KCNIP4: variants seen among roughly 807,000 people sequenced by gnomAD.
KCNIP4 encodes the protein Kv channel-interacting protein 4.
In KCNIP4, 12 loss-of-function variants were observed where a neutral mutation model predicts 34.0. That is an observed-to-expected ratio of 0.35 (90% CI 0.23 to 0.57). KCNIP4 has a LOEUF of 0.57. Among genes scored for constraint, KCNIP4 ranks in the 20% least tolerant of loss-of-function variants. The probability of loss-of-function intolerance (pLI) is 0.83; values close to 1 mark genes in which losing one functional copy is unlikely to be tolerated. For synonymous variants in KCNIP4, 124 were observed against 102.2 expected (o/e 1.21, Z -1.29); for missense variants, 238 against 311.7 (o/e 0.76, Z 1.78).
At chr4:21,511,835 T>C (rs1331457602) in intron 1 of KCNIP4, among the ~76,000 whole-genome samples, 1 of 152,212 alleles carries the variant, frequency 6.6e-6, no homozygotes, top group African/African-American at 2.4e-5. Flanking sequence ...TTTTTATATA[T>C]ACCTTTCTTT....
At chr4:21,686,470 AT>A (rs1370168274) in intron 1 of KCNIP4, among the ~76,000 whole-genome samples, 7 of 152,154 alleles carry the variant, frequency 4.6e-5, no homozygotes, top group Non-Finnish European at 8.8e-5. Context: ...ATAACTATGT[AT>A]TTTTTATTTT....
At chr4:21,767,381 C>T (rs73102032) in intron 1 of KCNIP4, among the ~76,000 whole-genome samples, 22,454 of 151,664 alleles carry the variant, frequency 0.15, 5,602 homozygotes, top group African/African-American at 0.51. Context: ...TCTGTGGAAA[C>T]TTGACTCAGG....
intron 1 of KCNIP4, among the ~76,000 whole-genome samples, chr4:21,293,083 T>TA (rs1358195807): frequency 3.3e-5 from 5 of 152,158 alleles, no homozygotes; most frequent in Non-Finnish European, 5.9e-5. Flanking sequence ...TAACCATATG[T>TA]AAAACAAATG....
At chr4:21,525,513 A>G (rs1735897215) in intron 1 of KCNIP4, among the ~76,000 whole-genome samples, 1 of 152,200 alleles carries the variant, frequency 6.6e-6, no homozygotes, top group African/African-American at 2.4e-5. Flanking sequence ...TTAAAAAATG[A>G]CAGATGCCTC....
At chr4:21,360,680 T>G (rs1719127049) in intron 1 of KCNIP4, among the ~76,000 whole-genome samples, 2 of 152,202 alleles carry the variant, frequency 1.3e-5, no homozygotes, top group South Asian at 4.2e-4. Flanking sequence ...AAGATTGTGT[T>G]TCTAAAAATT....
intron 1 of KCNIP4, among the ~76,000 whole-genome samples, chr4:21,236,487 C>A (rs1232679509): frequency 6.6e-6 from 1 of 152,060 alleles, no homozygotes; most frequent in Non-Finnish European, 1.5e-5. Flanking sequence ...ACTGATTTTT[C>A]CCCCATTCAA....
chr4:21,632,785 G>C (rs1745855286), intron 1 of KCNIP4, among the ~76,000 whole-genome samples: 1 of 152,126 alleles, frequency 6.6e-6, no homozygotes, highest in South Asian at 2.1e-4. Context: ...TCTGGAGCAG[G>C]AGATGGAGGT....
At chr4:21,403,540 A>G (rs1723717202) in intron 1 of KCNIP4, among the ~76,000 whole-genome samples, 1 of 152,108 alleles carries the variant, frequency 6.6e-6, no homozygotes, top group Admixed American at 6.5e-5. Flanking sequence ...TCCACTTTTC[A>G]TCTAGAATAA....
At chr4:21,345,878 T>G (rs1176421959) in intron 1 of KCNIP4, among the ~76,000 whole-genome samples, 1 of 151,386 alleles carries the variant, frequency 6.6e-6, no homozygotes, top group African/African-American at 2.4e-5. Flanking sequence ...AATAACTCAT[T>G]GCTAAAATGG....
At chr4:21,088,738 A>G (rs1173960250) in intron 1 of KCNIP4, among the ~76,000 whole-genome samples, 2 of 152,098 alleles carry the variant, frequency 1.3e-5, no homozygotes, top group Non-Finnish European at 2.9e-5. Context: ...TTTCCTAAAG[A>G]TGTTTTGCCT....
At position 21,781,790 on chromosome 4, in the gene KCNIP4, T is replaced by A. The variant is rs186376053; in HGVS notation, c.61+166781A>T. ...ATATACATGAGATATTAAAAATAAT[T>A]ATATGGGGTATATAAATGGTGGGGA... On this transcript the variant is annotated intron_variant, in intron 1 of 8. Transcript: ENST00000382152. Among the ~76,000 whole-genome samples the A allele has an allele frequency of 4.1e-4, 62 of 152,214 alleles. 1 individual carries two copies. The East Asian group carries it at 0.011, about 28-fold the overall frequency.
intron 1 of KCNIP4, among the ~76,000 whole-genome samples, chr4:21,746,576 T>C (rs1716791325): frequency 8.9e-6 from 1 of 111,948 alleles, no homozygotes. Context: ...TATAGGTCAA[T>C]ATAATCAAGA....
rs576773149 is a variant in KCNIP4 at position 21,010,910 on chromosome 4, G to A, written c.62-128201C>T. On this transcript the variant is annotated intron_variant, in intron 1 of 8. Transcript: ENST00000382152. ...ACTAATTGATGCTACCACTTCAAGA[G>A]TTCATGAAACCAAGCAGTTTCAAGT... is the stretch of plus-strand genomic sequence containing the variant. Among the ~76,000 whole-genome samples, 13 of 152,258 alleles carry A rather than the reference G, an allele frequency of 8.5e-5. No homozygotes were observed. In the South Asian group the frequency reaches 2.3e-3, roughly 27 times the overall value.
chr4:21,547,058 T>G (rs1738204993), intron 1 of KCNIP4, among the ~76,000 whole-genome samples: 1 of 152,164 alleles, frequency 6.6e-6, no homozygotes, highest in Non-Finnish European at 1.5e-5. Context: ...TTGGCTCTTG[T>G]GCTGTGGTGA....
rs141683506 is a variant in KCNIP4 at position 21,705,842 on chromosome 4, T to C, written c.61+242729A>G. 8.5e-3 allele frequency among the ~76,000 whole-genome samples: 1,301 copies of C among 152,254 alleles called. 18 individuals carry two copies. Among genetic ancestry groups the C allele is most frequent in the African/African-American group, 0.03 (1,241 of 41,558 alleles). On this transcript the variant is annotated intron_variant, in intron 1 of 8. Transcript: ENST00000382152. Reference sequence around the variant, plus strand: ...ACAAATCAATCTGTTTGAAAAACCTTCTCAAAATCAGCCCTCTGTAGAAGG... The same window carrying C: ...ACAAATCAATCTGTTTGAAAAACCTCCTCAAAATCAGCCCTCTGTAGAAGG...
At chr4:21,619,946 T>C (rs372145616) in intron 1 of KCNIP4, among the ~76,000 whole-genome samples, 3 of 152,230 alleles carry the variant, frequency 2.0e-5, no homozygotes, top group Admixed American at 2.0e-4. Context: ...TAAGATTCCA[T>C]CTTGTCTCCT....
chr4:20,934,000 G>T (rs1278529232), intron 1 of KCNIP4, among the ~76,000 whole-genome samples: 2 of 152,198 alleles, frequency 1.3e-5, no homozygotes, highest in Non-Finnish European at 2.9e-5. Context: ...TTTTGGTAAA[G>T]TTATGTCACC....
At chr4:20,731,400 C>G in intron 8 of KCNIP4, 1 of 985,218 alleles carries the variant, frequency 1.0e-6, no homozygotes, top group Non-Finnish European at 1.2e-6. Context: ...GTGGTTCTGC[C>G]CACACATCAA....
intron 1 of KCNIP4, among the ~76,000 whole-genome samples, chr4:21,461,226 T>C (rs1402550425): frequency 6.6e-6 from 1 of 152,078 alleles, no homozygotes; most frequent in Non-Finnish European, 1.5e-5. Context: ...TCGCTCTCTC[T>C]CCACTGCTCC....
Sources: allele counts gnomAD v4.1 joint callset (sites outside exome capture counted in the v4.1 genomes callset), GRCh38; gene constraint gnomAD v4.1.1; transcripts MANE v1.5; gene names NCBI Gene and HGNC (gene_info 2026-07-23, HGNC 2026-07-21).